Variants in SYT17 observed in about 807,000 individuals in gnomAD.
SYT17 encodes synaptotagmin-17.
Under a neutral mutation model 46.7 loss-of-function variants are expected in SYT17, and 22 were observed. The ratio of observed to expected loss-of-function variants is 0.47; its 90% CI spans 0.34 to 0.67. SYT17 has a LOEUF of 0.67. Among genes scored for constraint, SYT17 ranks in the 30% least tolerant of loss-of-function variants. SYT17 has a pLI of 0.01. For missense variants in SYT17, 519 were observed against 612.8 expected, an observed-to-expected ratio of 0.85 and a Z score of 1.62; for synonymous variants, 251 against 248.4, an observed-to-expected ratio of 1.01 and a Z score of -0.10.
chr16:19,258,777 C>T (rs1968762932), intron 7 of SYT17, among the ~76,000 whole-genome samples: 1 of 152,086 alleles, frequency 6.6e-6, no homozygotes, highest in African/African-American at 2.4e-5. Flanking sequence ...ATGATCTGGC[C>T]CATAATGTCA....
intron 7 of SYT17, among the ~76,000 whole-genome samples, chr16:19,261,524 T>A (rs1968975670): frequency 6.6e-6 from 1 of 152,240 alleles, no homozygotes; most frequent in African/African-American, 2.4e-5. Context: ...GGTGATTTAG[T>A]TGTGGATTCT....
At chr16:19,203,029 CAATA>C (rs1339288877) in intron 5 of SYT17, among the ~76,000 whole-genome samples, 4 of 152,084 alleles carry the variant, frequency 2.6e-5, no homozygotes, top group Non-Finnish European at 1.5e-5. Context: ...GACGAGGATC[CAATA>C]TGTATTTTCT....
chr16:19,231,545 A>AG (rs1966687491), intron 7 of SYT17, among the ~76,000 whole-genome samples: 2 of 150,788 alleles, frequency 1.3e-5, no homozygotes, highest in East Asian at 1.9e-4. Flanking sequence ...AAAAAAAAAA[A>AG]AAAAAGAAAA....
At chr16:19,252,902 G>A (rs1343453437) in intron 7 of SYT17, among the ~76,000 whole-genome samples, 1 of 152,120 alleles carries the variant, frequency 6.6e-6, no homozygotes, top group Non-Finnish European at 1.5e-5. Flanking sequence ...ACTCCAGCGT[G>A]CATCAGAATC....
At chr16:19,249,134 CGTGGTGGCAGGCGACTGTAGTCCCA>C (rs1419781877) in intron 7 of SYT17, among the ~76,000 whole-genome samples, 1 of 151,928 alleles carries the variant, frequency 6.6e-6, no homozygotes, top group African/African-American at 2.4e-5. Flanking sequence ...ATTAGCCAGG[CGTGGTGGCAGGCGACTGTAGTCCCA>C]GCTACTCAGG....
rs559250537 is a variant in SYT17 at position 19,240,093 on chromosome 16, C to T, written c.1228+15255C>T. 2.6e-5 allele frequency among the ~76,000 whole-genome samples: 4 copies of T among 152,328 alleles called. No homozygotes were observed. The East Asian group carries it at 7.7e-4, about 29-fold the overall frequency. On this transcript the variant is annotated intron_variant, in intron 7 of 7. Coordinates refer to ENST00000355377, the MANE Select transcript of SYT17 (RefSeq NM_016524.4). ...AGTCACAAACCTGGCTTGGGGAGCT[C>T]CTGGGCCTGGGCCCTCTGAAGGGCT...
chr16:19,210,121 A>C (rs562534718), intron 5 of SYT17, among the ~76,000 whole-genome samples: 2 of 152,116 alleles, frequency 1.3e-5, no homozygotes, highest in Admixed American at 1.3e-4. Context: ...GTACACATGA[A>C]ATTTTGTTAC....
chr16:19,256,370 T>C (rs1277973859), intron 7 of SYT17, among the ~76,000 whole-genome samples: 1 of 151,204 alleles, frequency 6.6e-6, no homozygotes, highest in Non-Finnish European at 1.5e-5. Flanking sequence ...TTCACGGGAC[T>C]TTCCAGGGCC....
intron 7 of SYT17, among the ~76,000 whole-genome samples, chr16:19,240,342 C>T (rs574919478): frequency 3.3e-4 from 49 of 148,972 alleles, no homozygotes; most frequent in Non-Finnish European, 5.5e-4. Context: ...AGAGGGGACC[C>T]GTAACAGGTA....
At chr16:19,193,375 G>T (rs1965104579) in intron 5 of SYT17, among the ~76,000 whole-genome samples, 1 of 152,210 alleles carries the variant, frequency 6.6e-6, no homozygotes, top group Non-Finnish European at 1.5e-5. Context: ...GGGCCTAGAA[G>T]AAGAAAATAT....
At chr16:19,195,645 G>A (rs1248453577) in intron 5 of SYT17, among the ~76,000 whole-genome samples, 2 of 152,072 alleles carry the variant, frequency 1.3e-5, no homozygotes, top group Admixed American at 1.3e-4. Flanking sequence ...GCTTGAACCC[G>A]AGAAGTGGAG....
In SYT17 at chr16:19,215,240, G is replaced by A. The variant is rs148074859; in HGVS notation, c.952-7805G>A. ...TTTATTTGATGTAGAAGTGGGGAGG[G>A]CATCATCCACTCCTAAGTGGCCAAG... On this transcript the variant is annotated intron_variant, in intron 5 of 7. Coordinates refer to ENST00000355377, the MANE Select transcript of SYT17 (RefSeq NM_016524.4). 9.0e-3 allele frequency among the ~76,000 whole-genome samples: 1,377 copies of A among 152,204 alleles called. 20 individuals are homozygous for A. The highest frequency in any genetic ancestry group is 0.032 in the African/African-American group (1,320 of 41,522).
intron 5 of SYT17, among the ~76,000 whole-genome samples, chr16:19,197,426 TTTTGTTTG>T (rs5816035): frequency 6.7e-6 from 1 of 150,284 alleles, no homozygotes; most frequent in African/African-American, 2.5e-5. Context: ...TTTTGTTTTG[TTTTGTTTG>T]TTTGTTTGTT....
At chr16:19,220,139 A>G (rs1382374248) in intron 5 of SYT17, among the ~76,000 whole-genome samples, 2 of 152,000 alleles carry the variant, frequency 1.3e-5, no homozygotes, top group South Asian at 2.1e-4. Context: ...GAAAATCTCC[A>G]TACTTGGATA....
intron 6 of SYT17, among the ~76,000 whole-genome samples, chr16:19,224,406 G>A (rs1966428338): frequency 6.6e-6 from 1 of 152,142 alleles, no homozygotes; most frequent in Non-Finnish European, 1.5e-5. Flanking sequence ...TGGTTGAACT[G>A]TCAAATAGAT....
At chr16:19,188,893 C>G (rs944035925) in intron 5 of SYT17, among the ~76,000 whole-genome samples, 1 of 152,106 alleles carries the variant, frequency 6.6e-6, no homozygotes. Flanking sequence ...TGTCTCTTCT[C>G]TTCTTTTTTT....
At chr16:19,239,712 C>T (rs1966950800) in intron 7 of SYT17, among the ~76,000 whole-genome samples, 1 of 152,208 alleles carries the variant, frequency 6.6e-6, no homozygotes, top group South Asian at 2.1e-4. Context: ...GGCCGGAAAC[C>T]ACTGTGCCTG....
At chr16:19,174,906 T>G (rs1464331251) in intron 3 of SYT17, among the ~76,000 whole-genome samples, 6 of 152,104 alleles carry the variant, frequency 3.9e-5, no homozygotes, top group Admixed American at 3.9e-4. Context: ...TCACTTGAGC[T>G]CAGGATTTCG....
intron 6 of SYT17, 91 bp downstream of exon 6, chr16:19,223,256 G>A (rs1408287367): frequency 4.0e-6 from 6 of 1,495,820 alleles, no homozygotes; most frequent in East Asian, 2.3e-5. Context: ...TATCCTGGAT[G>A]AGCATTACTC....
Sources: gnomAD v4.1 joint callset for allele counts (sites outside exome capture counted in the v4.1 genomes callset) on GRCh38, gnomAD v4.1.1 for gene constraint, MANE v1.5 for transcripts, NCBI Gene and HGNC (gene_info 2026-07-23, HGNC 2026-07-21) for gene names.